PRKG1: variants seen among roughly 807,000 people sequenced by gnomAD.
PRKG1 encodes the protein cGMP-dependent protein kinase 1.
In PRKG1, 35 loss-of-function variants were observed where a neutral mutation model predicts 88.1. The observed-to-expected ratio is 0.40, with a 90% CI of 0.30 to 0.53. PRKG1 has a LOEUF of 0.53. Among genes scored for constraint, PRKG1 ranks in the 20% least tolerant of loss-of-function variants. PRKG1 has a pLI of 0.59. For missense variants in PRKG1, 540 were observed against 839.8 expected (o/e 0.64, Z 4.41); for synonymous variants, 303 against 292.5 (o/e 1.04, Z -0.37).
At chr10:51,011,842 G>A (rs1013948315) in intron 1 of PRKG1, among the ~76,000 whole-genome samples, 9 of 152,186 alleles carry the variant, frequency 5.9e-5, no homozygotes, top group African/African-American at 1.4e-4. Context: ...TGATAAAGAC[G>A]TATTGGAGAT....
At chr10:52,200,896 A>G (rs1839648132) in intron 9 of PRKG1, among the ~76,000 whole-genome samples, 1 of 152,032 alleles carries the variant, frequency 6.6e-6, no homozygotes, top group African/African-American at 2.4e-5. Flanking sequence ...CCACTGTTTA[A>G]TGAGGTTGTA....
intron 3 of PRKG1, among the ~76,000 whole-genome samples, chr10:51,607,103 G>A (rs935839491): frequency 3.3e-5 from 5 of 152,150 alleles, no homozygotes; most frequent in Non-Finnish European, 7.3e-5. Flanking sequence ...TTTTGCCACC[G>A]GCATCCTATG....
chr10:51,189,769 CTAAT>C (rs1251974020), intron 2 of PRKG1, among the ~76,000 whole-genome samples: 2 of 151,796 alleles, frequency 1.3e-5, no homozygotes, highest in African/African-American at 4.8e-5. Context: ...GAGAACAAGA[CTAAT>C]TATATAAACA....
At chr10:52,200,801 T>C (rs1839644375) in intron 9 of PRKG1, among the ~76,000 whole-genome samples, 3 of 152,216 alleles carry the variant, frequency 2.0e-5, no homozygotes, top group South Asian at 4.1e-4. Context: ...ATTTCTCTAA[T>C]AATTAATGAT....
At chr10:51,519,369 C>G (rs1220519223) in intron 3 of PRKG1, among the ~76,000 whole-genome samples, 1 of 152,042 alleles carries the variant, frequency 6.6e-6, no homozygotes, top group East Asian at 1.9e-4. Context: ...TGAAATCATG[C>G]AATTAGTAAA....
chr10:51,860,784 G>A (rs1840854337), intron 4 of PRKG1, among the ~76,000 whole-genome samples: 1 of 152,188 alleles, frequency 6.6e-6, no homozygotes, highest in Admixed American at 6.5e-5. Context: ...AGCAAGGATA[G>A]GCAGATCTGA....
At chr10:51,278,812 T>C (rs1840207491) in intron 2 of PRKG1, among the ~76,000 whole-genome samples, 1 of 152,180 alleles carries the variant, frequency 6.6e-6, no homozygotes, top group Admixed American at 6.5e-5. Flanking sequence ...CCCTTTATCA[T>C]TTTTTATTGC....
chr10:51,717,312 G>A (rs1353285908), intron 3 of PRKG1, among the ~76,000 whole-genome samples: 1 of 152,148 alleles, frequency 6.6e-6, no homozygotes, highest in African/African-American at 2.4e-5. Flanking sequence ...CAACAGTTTG[G>A]GAACTGTTTG....
At chr10:51,191,179 GA>G in intron 2 of PRKG1, among the ~76,000 whole-genome samples, 1 of 151,962 alleles carries the variant, frequency 6.6e-6, no homozygotes, top group South Asian at 2.1e-4. Context: ...ATATAACTCT[GA>G]GAAATTAAGA....
intron 2 of PRKG1, among the ~76,000 whole-genome samples, chr10:51,426,343 G>A (rs1274671357): frequency 6.6e-6 from 1 of 152,062 alleles, no homozygotes; most frequent in Non-Finnish European, 1.5e-5. Flanking sequence ...GACCTATACT[G>A]GGTTAGGGTT....
intron 2 of PRKG1, among the ~76,000 whole-genome samples, chr10:51,459,519 G>T (rs1160066157): frequency 6.6e-6 from 1 of 152,056 alleles, no homozygotes; most frequent in Non-Finnish European, 1.5e-5. Flanking sequence ...TTATAAGAAA[G>T]AAAATTTTCT....
chr10:51,127,947 G>A (rs930051443), intron 1 of PRKG1, among the ~76,000 whole-genome samples: 2 of 152,074 alleles, frequency 1.3e-5, no homozygotes, highest in African/African-American at 4.8e-5. Context: ...ATCACACACC[G>A]AAGCCTGTTC....
At position 52,193,267 on chromosome 10, in the gene PRKG1, G is replaced by A. The variant is rs933197962; in HGVS notation, c.1076+31304G>A. Among the ~76,000 whole-genome samples, 6 of 151,966 alleles carry A rather than the reference G, an allele frequency of 3.9e-5. 1 individual carries two copies. The highest frequency in any genetic ancestry group is 1.3e-4 in the Admixed American group (2 of 15,258). The stretch of plus-strand genomic sequence containing the variant: ...TTAGAACTATTCTAAATGTCGGGCC[G>A]GGCGCAGTGGTTCATGCCTGTAATC... On this transcript the variant is annotated intron_variant, in intron 9 of 17. Coordinates refer to ENST00000373980, the MANE Select transcript of PRKG1 (RefSeq NM_006258.4).
intron 3 of PRKG1, among the ~76,000 whole-genome samples, chr10:51,565,869 C>T (rs76999366): frequency 0.069 from 10,509 of 152,096 alleles, 1,183 homozygotes; most frequent in African/African-American, 0.24. Flanking sequence ...CTCTTAGTAA[C>T]TAACCCATTT....
Position 51,668,849 on chromosome 10 carries a change from T to C in PRKG1, c.593-135736T>C, listed in dbSNP as rs558091599. Among the ~76,000 whole-genome samples the C allele has an allele frequency of 2.0e-5, 3 of 152,342 alleles. No individual in the cohort carries two copies. In the South Asian group the frequency reaches 6.2e-4, roughly 32 times the overall value. On this transcript the variant is annotated intron_variant, in intron 3 of 17. Transcript: ENST00000373980. ...AAGCATCTCAATACATCTAAAAGTC[T>C]ATTAGTTGTATTTATTTCTTTAAAT... is the stretch of plus-strand genomic sequence containing the variant.
chr10:51,353,809 A>C (rs1368009222), intron 2 of PRKG1, among the ~76,000 whole-genome samples: 1 of 152,160 alleles, frequency 6.6e-6, no homozygotes, highest in Non-Finnish European at 1.5e-5. Context: ...TATACCCAAA[A>C]GAAAGGAAAT....
chr10:51,293,096 A>T (rs1336891938), intron 2 of PRKG1, among the ~76,000 whole-genome samples: 2 of 152,134 alleles, frequency 1.3e-5, no homozygotes, highest in Non-Finnish European at 2.9e-5. Flanking sequence ...TTATATATTT[A>T]AATTATACAA....
At chr10:51,469,658 A>G (rs911881911) in intron 3 of PRKG1, among the ~76,000 whole-genome samples, 2 of 151,908 alleles carry the variant, frequency 1.3e-5, no homozygotes, top group African/African-American at 4.8e-5. Context: ...AATGCAAATT[A>G]TAAGCCTAAC....
intron 2 of PRKG1, among the ~76,000 whole-genome samples, chr10:51,304,818 A>AT (rs1439073687): frequency 4.6e-5 from 7 of 152,062 alleles, no homozygotes; most frequent in African/African-American, 1.4e-4. Context: ...TGAAATCATC[A>AT]TTTTTTATGG....
Sources: gnomAD v4.1 joint callset for allele counts (sites outside exome capture counted in the v4.1 genomes callset) on GRCh38, gnomAD v4.1.1 for gene constraint, MANE v1.5 for transcripts, NCBI Gene and HGNC (gene_info 2026-07-23, HGNC 2026-07-21) for gene names.